Variants in ZDHHC11B observed in about 807,000 individuals in gnomAD.
ZDHHC11B encodes the protein probable palmitoyltransferase ZDHHC11B.
In ZDHHC11B, 17 loss-of-function variants were observed where a neutral mutation model predicts 42.3. The observed-to-expected ratio is 0.40, with a 90% CI of 0.27 to 0.60. The LOEUF (loss-of-function observed/expected upper bound fraction) is 0.60. Among genes scored for constraint, ZDHHC11B ranks in the 20% least tolerant of loss-of-function variants. The probability of loss-of-function intolerance (pLI) is 0.41; values close to 1 mark genes in which losing one functional copy is unlikely to be tolerated. For synonymous variants in ZDHHC11B, 123 were observed against 193.5 expected, an observed-to-expected ratio of 0.64 and a Z score of 3.02; for missense variants, 262 against 463.2, an observed-to-expected ratio of 0.57 and a Z score of 3.99.
At chr5:728,801 A>C (rs4307129) in intron 12 of ZDHHC11B, among the ~76,000 whole-genome samples, 12,032 of 130,258 alleles carry the variant, frequency 0.092, 9 homozygotes, top group East Asian at 0.26. Flanking sequence ...GCAGGCAAAT[A>C]GCTTGAGCTC....
At chr5:770,799 G>A (rs60134035) in intron 1 of ZDHHC11B, among the ~76,000 whole-genome samples, 4,223 of 149,642 alleles carry the variant, frequency 0.028, 39 homozygotes, top group East Asian at 0.13. Context: ...TGGGGGCACC[G>A]GTGTCAGGGT....
intron 1 of ZDHHC11B, among the ~76,000 whole-genome samples, chr5:769,958 C>T (rs1337934299): frequency 2.0e-5 from 3 of 151,896 alleles, no homozygotes; most frequent in African/African-American, 7.3e-5. Context: ...GTCTGACCAG[C>T]ACCACAGCCC....
In ZDHHC11B at chr5:746,342, C is replaced by A. The variant is rs1475334496; in HGVS notation, c.785-1044G>T. Among the ~76,000 whole-genome samples, 5 of 147,402 alleles carry A rather than the reference C, an allele frequency of 3.4e-5. 2 individuals are homozygous for A. Among genetic ancestry groups the A allele is most frequent in the African/African-American group, 7.4e-5 (3 of 40,626 alleles). On this transcript the variant is annotated intron_variant, in intron 8 of 13. Transcript: ENST00000508859. ...AGCCCTCACAGGATGCGTCTCACCACAGCCCCTCCAGTCCTGTGAGGTAGA... is the reference window on the plus strand; with the variant it reads ...AGCCCTCACAGGATGCGTCTCACCAAAGCCCCTCCAGTCCTGTGAGGTAGA...
At chr5:719,739 A>G (rs2126962276) in intron 12 of ZDHHC11B, among the ~76,000 whole-genome samples, 1 of 151,850 alleles carries the variant, frequency 6.6e-6, no homozygotes, top group Non-Finnish European at 1.5e-5. Flanking sequence ...AGAGAAAAGG[A>G]AAGAGGCAGA....
intron 6 of ZDHHC11B, among the ~76,000 whole-genome samples, chr5:753,867 G>A (rs1423942396): frequency 8.2e-5 from 12 of 146,516 alleles, no homozygotes; most frequent in African/African-American, 2.5e-4. Context: ...CCACTCCCAC[G>A]CACACCAAGG....
At chr5:777,047 G>A (rs1235557495) in intron 1 of ZDHHC11B, among the ~76,000 whole-genome samples, 2 of 151,864 alleles carry the variant, frequency 1.3e-5, no homozygotes, top group African/African-American at 4.8e-5. Context: ...GAATTGGTGG[G>A]TTATTGGTCT....
At chr5:774,163 C>T (rs1736276393) in intron 1 of ZDHHC11B, among the ~76,000 whole-genome samples, 1 of 152,070 alleles carries the variant, frequency 6.6e-6, no homozygotes, top group Admixed American at 6.6e-5. Flanking sequence ...CCAAGAGGCC[C>T]CACGGAAAAT....
chr5:776,774 T>A (rs1252975111), intron 1 of ZDHHC11B, among the ~76,000 whole-genome samples: 6 of 151,906 alleles, frequency 3.9e-5, no homozygotes, highest in African/African-American at 1.5e-4. Context: ...TGCTTCCCCA[T>A]TAAACAGGGC....
chr5:728,849 C>T (rs1394047680), intron 12 of ZDHHC11B, among the ~76,000 whole-genome samples: 2 of 151,738 alleles, frequency 1.3e-5, no homozygotes, highest in African/African-American at 4.9e-5. Flanking sequence ...TGGTGACACC[C>T]CATCTCTACA....
intron 12 of ZDHHC11B, among the ~76,000 whole-genome samples, chr5:719,978 G>T (rs1466564835): frequency 6.6e-6 from 1 of 151,744 alleles, no homozygotes; most frequent in South Asian, 2.1e-4. Flanking sequence ...TACACTATCT[G>T]CCCATTAATG....
chr5:777,361 C>T (rs897080653), intron 1 of ZDHHC11B, among the ~76,000 whole-genome samples: 1 of 151,824 alleles, frequency 6.6e-6, no homozygotes, highest in East Asian at 1.9e-4. Context: ...GCGTCTGGAG[C>T]TGTTCGCTCC....
intron 4 of ZDHHC11B, among the ~76,000 whole-genome samples, chr5:761,271 G>C (rs1051126552): frequency 6.6e-6 from 1 of 151,856 alleles, no homozygotes. Flanking sequence ...GTGCAGCACA[G>C]GGTTAGTGAC....
chr5:716,402 G>C (rs1484253470), intron 13 of ZDHHC11B, among the ~76,000 whole-genome samples: 1 of 151,786 alleles, frequency 6.6e-6, no homozygotes, highest in Non-Finnish European at 1.5e-5. Flanking sequence ...TGTTTGAGCA[G>C]AAAGCAGGGA....
intron 8 of ZDHHC11B, among the ~76,000 whole-genome samples, chr5:746,723 G>A (rs1363115884): frequency 1.3e-5 from 2 of 150,478 alleles, no homozygotes; most frequent in African/African-American, 4.9e-5. Flanking sequence ...CAGCGTGCAG[G>A]TGACCATGCC....
intron 4 of ZDHHC11B, among the ~76,000 whole-genome samples, chr5:759,015 T>G (rs1334537313): frequency 1.3e-5 from 2 of 151,872 alleles, no homozygotes; most frequent in Non-Finnish European, 2.9e-5. Flanking sequence ...AGCACCGTGT[T>G]CTCAATTTTC....
intron 12 of ZDHHC11B, among the ~76,000 whole-genome samples, chr5:721,390 A>T (rs772145173): frequency 2.6e-5 from 4 of 151,670 alleles, no homozygotes; most frequent in Non-Finnish European, 4.4e-5. Context: ...ATAGATAGAT[A>T]GATTGAACTT....
chr5:715,990 T>C (rs1356718127), intron 13 of ZDHHC11B, among the ~76,000 whole-genome samples: 1 of 150,748 alleles, frequency 6.6e-6, no homozygotes, highest in African/African-American at 2.5e-5. Context: ...CCCTATACCC[T>C]TTTCCTGTCC....
At chr5:734,271 T>G (rs1743346117) in intron 10 of ZDHHC11B, among the ~76,000 whole-genome samples, 1 of 121,710 alleles carries the variant, frequency 8.2e-6, no homozygotes, top group Admixed American at 7.8e-5. Context: ...AAACAAAAAG[T>G]CACAGAGCCT....
rs1741783753 is a variant in ZDHHC11B, at chr5:716,798, T to C, written c.*7+3A>G. ...ACATGACCTGCACTGCCACGTATCTTACCCGAATCTCAGTCTTCACTTTCA... is the reference window on the plus strand; with the variant it reads ...ACATGACCTGCACTGCCACGTATCTCACCCGAATCTCAGTCTTCACTTTCA... On this transcript the variant is annotated splice_donor_region_variant and intron_variant, in intron 13 of 13. Coordinates refer to ENST00000508859, the MANE Select transcript of ZDHHC11B (RefSeq NM_001351303.2). The C allele has an allele frequency of 6.2e-7, 1 of 1,612,928 alleles. No homozygotes were observed. Among genetic ancestry groups the C allele is most frequent in the African/African-American group, 1.3e-5 (1 of 74,574 alleles).
Sources: gnomAD v4.1 joint callset for allele counts (sites outside exome capture counted in the v4.1 genomes callset) on GRCh38, gnomAD v4.1.1 for gene constraint, MANE v1.5 for transcripts, NCBI Gene and HGNC (gene_info 2026-07-23, HGNC 2026-07-21) for gene names.